The following EPHA3 variants were observed in gnomAD, a reference collection of about 807,000 sequenced individuals.
EPHA3 encodes the protein ephrin type-A receptor 3.
In EPHA3, 42 loss-of-function variants were observed where a neutral mutation model predicts 107.1. The observed-to-expected ratio is 0.39, with a 90% CI of 0.31 to 0.51. EPHA3 has a LOEUF of 0.51. EPHA3 is among the 20% of genes least tolerant of loss of function. EPHA3 has a pLI of 0.78. For missense variants in EPHA3, 1,183 were observed against 1,211.2 expected, an observed-to-expected ratio of 0.98 and a Z score of 0.35; for synonymous variants, 461 against 424.8, an observed-to-expected ratio of 1.09 and a Z score of -1.05.
chr3:89,127,171 T>G, intron 1 of EPHA3, 38 bp from the exon 2 acceptor site: 1 of 1,469,254 alleles, frequency 6.8e-7, no homozygotes, highest in Non-Finnish European at 9.5e-7. Flanking sequence ...AATAATTCAC[T>G]GTTATTAACT....
chr3:89,191,677 T>C (rs920511860), intron 2 of EPHA3, among the ~76,000 whole-genome samples: 1 of 152,202 alleles, frequency 6.6e-6, no homozygotes, highest in African/African-American at 2.4e-5. Context: ...TATAGGTAAT[T>C]GGTTAATTGG....
At chr3:89,419,475 G>A in intron 11 of EPHA3, 85 bp downstream of exon 11, 1 of 1,290,778 alleles carries the variant, frequency 7.7e-7, no homozygotes, top group African/African-American at 1.5e-5. Flanking sequence ...AAGAATTTTG[G>A]CTTTTTTTCA....
intron 6 of EPHA3, 75 bp downstream of exon 6, chr3:89,396,036 A>G (rs1473684538): frequency 3.8e-6 from 6 of 1,566,330 alleles, no homozygotes; most frequent in Non-Finnish European, 5.2e-6. Context: ...TCTTGCAAAG[A>G]AACCAGTGAC....
At chr3:89,305,060 G>C (rs529141928) in intron 3 of EPHA3, among the ~76,000 whole-genome samples, 1 of 152,066 alleles carries the variant, frequency 6.6e-6, no homozygotes, top group Non-Finnish European at 1.5e-5. Context: ...GACTGTGTTG[G>C]CATAGCAATT....
intron 2 of EPHA3, among the ~76,000 whole-genome samples, chr3:89,189,357 G>T (rs1308052049): frequency 1.3e-5 from 2 of 152,166 alleles, no homozygotes; most frequent in Non-Finnish European, 2.9e-5. Context: ...CACTTTGGGA[G>T]GCCAAGGCAG....
At chr3:89,350,372 T>G (rs1296696505) in intron 5 of EPHA3, among the ~76,000 whole-genome samples, 1 of 151,448 alleles carries the variant, frequency 6.6e-6, no homozygotes, top group African/African-American at 2.4e-5. Flanking sequence ...TCATTTCATC[T>G]TCCATCACTG....
chr3:89,264,006 C>T (rs748781203), intron 3 of EPHA3, among the ~76,000 whole-genome samples: 16 of 152,238 alleles, frequency 1.1e-4, no homozygotes, highest in East Asian at 1.9e-4. Flanking sequence ...CAAAAATCCA[C>T]GTCCATCCCA....
At chr3:89,163,800 C>T (rs1465185562) in intron 2 of EPHA3, among the ~76,000 whole-genome samples, 2 of 152,092 alleles carry the variant, frequency 1.3e-5, no homozygotes. Context: ...TACAGTGTTA[C>T]TTTCAAAGGA....
At chr3:89,193,703 C>T (rs143354718) in intron 2 of EPHA3, among the ~76,000 whole-genome samples, 1,685 of 151,964 alleles carry the variant, frequency 0.011, 14 homozygotes, top group Non-Finnish European at 0.019. Flanking sequence ...TGAATATATA[C>T]AATTATTGTC....
At chr3:89,112,867 A>ACGT (rs1468151741) in intron 1 of EPHA3, among the ~76,000 whole-genome samples, 1 of 151,984 alleles carries the variant, frequency 6.6e-6, no homozygotes, top group Non-Finnish European at 1.5e-5. Flanking sequence ...TTGGAAGAAC[A>ACGT]TTAAGTTTTA....
intron 13 of EPHA3, among the ~76,000 whole-genome samples, chr3:89,445,219 A>G (rs1709856802): frequency 6.6e-6 from 1 of 152,044 alleles, no homozygotes; most frequent in Non-Finnish European, 1.5e-5. Flanking sequence ...TGAGCCGAGA[A>G]CGCACTGCAC....
At chr3:89,407,507 C>T (rs1182112886) in intron 8 of EPHA3, 136 bp downstream of exon 8, 2 of 665,076 alleles carry the variant, frequency 3.0e-6, no homozygotes, top group South Asian at 2.1e-5. Flanking sequence ...AGTTTAGGTC[C>T]TCTCTTTCTC....
intron 2 of EPHA3, among the ~76,000 whole-genome samples, chr3:89,188,226 T>G (rs1705619754): frequency 1.3e-5 from 2 of 152,072 alleles, no homozygotes; most frequent in African/African-American, 4.8e-5. Context: ...ATGAAACACA[T>G]CCAGATAAAA....
At chr3:89,453,073 G>T (rs1432426744) in intron 15 of EPHA3, among the ~76,000 whole-genome samples, 1 of 151,994 alleles carries the variant, frequency 6.6e-6, no homozygotes, top group Non-Finnish European at 1.5e-5. Flanking sequence ...ACTTCACAGA[G>T]ACTGTATAGA....
intron 3 of EPHA3, among the ~76,000 whole-genome samples, chr3:89,302,438 T>G (rs1042073548): frequency 2.0e-5 from 3 of 152,076 alleles, no homozygotes; most frequent in Admixed American, 2.0e-4. Context: ...GGTAGAAAAT[T>G]CTTTTATTTT....
intron 3 of EPHA3, among the ~76,000 whole-genome samples, chr3:89,291,600 T>C (rs1471072590): frequency 6.6e-6 from 1 of 152,088 alleles, no homozygotes; most frequent in Non-Finnish European, 1.5e-5. Flanking sequence ...GTAAAATCAA[T>C]AAGAGAGGGC....
intron 10 of EPHA3, among the ~76,000 whole-genome samples, chr3:89,414,198 C>T (rs1709205479): frequency 6.6e-6 from 1 of 151,494 alleles, no homozygotes; most frequent in South Asian, 2.1e-4. Context: ...GTTTCTTTTT[C>T]TATACACCAA....
chr3:89,303,366 A>G (rs1355981241), intron 3 of EPHA3, among the ~76,000 whole-genome samples: 1 of 150,686 alleles, frequency 6.6e-6, no homozygotes, highest in Non-Finnish European at 1.5e-5. Context: ...CCAGTTATAA[A>G]TATAAATATT....
chr3:89,223,278 T>TA (rs1704424141), intron 3 of EPHA3, among the ~76,000 whole-genome samples: 1 of 152,174 alleles, frequency 6.6e-6, no homozygotes, highest in African/African-American at 2.4e-5. Context: ...AGTGCGGAAC[T>TA]ATTAGGAAAG....
Sources: allele counts gnomAD v4.1 joint callset (sites outside exome capture counted in the v4.1 genomes callset), GRCh38; gene constraint gnomAD v4.1.1; transcripts MANE v1.5; gene names NCBI Gene and HGNC (gene_info 2026-07-23, HGNC 2026-07-21).